The following CDH4 variants were observed in gnomAD, a reference collection of about 807,000 sequenced individuals.
The protein encoded by CDH4 is cadherin-4.
In CDH4, 33 loss-of-function variants were observed where a neutral mutation model predicts 86.0. That is an observed-to-expected ratio of 0.38 (90% CI 0.29 to 0.51). The LOEUF (loss-of-function observed/expected upper bound fraction) is 0.51. Among genes scored for constraint, CDH4 ranks in the 20% least tolerant of loss-of-function variants. The pLI, the probability that CDH4 is intolerant of heterozygous loss-of-function variation, is 0.86. For missense variants in CDH4, 1,114 were observed against 1,307.4 expected (o/e 0.85, Z 2.28); for synonymous variants, 555 against 549.4 (o/e 1.01, Z -0.14).
chr20:61,533,514 A>G (rs567786498), intron 2 of CDH4, among the ~76,000 whole-genome samples: 27 of 152,176 alleles, frequency 1.8e-4, no homozygotes, highest in Non-Finnish European at 3.4e-4. Flanking sequence ...ATGCCTGAGG[A>G]CCGGGGCTCA....
chr20:61,552,447 C>T (rs567681051), intron 2 of CDH4, among the ~76,000 whole-genome samples: 1 of 152,218 alleles, frequency 6.6e-6, no homozygotes, highest in Non-Finnish European at 1.5e-5. Context: ...CACCTGTAAT[C>T]CCAGCACTCT....
chr20:61,540,948 CG>C (rs1415425925), intron 2 of CDH4, among the ~76,000 whole-genome samples: 5 of 152,192 alleles, frequency 3.3e-5, no homozygotes, highest in Admixed American at 3.3e-4. Context: ...TGTTCAAGCC[CG>C]TGCCATCCTT....
At chr20:61,806,269 T>C (rs1191475986) in intron 4 of CDH4, among the ~76,000 whole-genome samples, 2 of 152,176 alleles carry the variant, frequency 1.3e-5, no homozygotes, top group Admixed American at 6.5e-5. Context: ...TGGAGTGTTC[T>C]TGTCACCACT....
intron 2 of CDH4, among the ~76,000 whole-genome samples, chr20:61,428,454 T>G (rs1568840905): frequency 6.6e-6 from 1 of 152,184 alleles, no homozygotes; most frequent in Non-Finnish European, 1.5e-5. Flanking sequence ...ACATCATTTG[T>G]TATGTCCCCA....
chr20:61,359,751 G>T (rs2084773843), intron 2 of CDH4, among the ~76,000 whole-genome samples: 1 of 152,214 alleles, frequency 6.6e-6, no homozygotes, highest in African/African-American at 2.4e-5. Context: ...AGTCTACAGT[G>T]TGCCCTGATG....
rs1237764006 is a variant in CDH4 at position 61,714,062 on chromosome 20, T to TGTTATGTTATGTTATGTTATGTTATGTTA, written c.170-29501_170-29500insGTTATGTTATGTTATGTTATGTTATGTTA. 1.4e-3 allele frequency among the ~76,000 whole-genome samples: 216 copies of TGTTATGTTATGTTATGTTATGTTATGTTA among 150,142 alleles called. 9 individuals carry two copies. Among genetic ancestry groups the TGTTATGTTATGTTATGTTATGTTATGTTA allele is most frequent in the South Asian group, 2.6e-3 (12 of 4,658 alleles). ...TTTTATTTTATTTTATTTTATTTTA[T>TGTTATGTTATGTTATGTTATGTTATGTTA]TTGAGATGGAGTCTCACTCTGTCGC... On this transcript the variant is annotated intron_variant, in intron 2 of 15. Coordinates refer to ENST00000614565, the MANE Select transcript of CDH4 (RefSeq NM_001794.5).
At chr20:61,302,627 G>A (rs2123207033) in intron 2 of CDH4, among the ~76,000 whole-genome samples, 1 of 152,254 alleles carries the variant, frequency 6.6e-6, no homozygotes, top group South Asian at 2.1e-4. Flanking sequence ...TGCCTCCCAT[G>A]TCCTGCATGG....
chr20:61,937,167 C>T lies in CDH4; in HGVS notation c.*224C>T. ...CGCGCTGGCTGGCACTGAAGGACAG[C>T]AAGAGGCACTCTGTCTTCACTTGAA... On this transcript the variant is annotated 3_prime_UTR_variant, in exon 16 of 16. Coordinates refer to ENST00000614565, the MANE Select transcript of CDH4 (RefSeq NM_001794.5). 2 of 239,054 alleles carry T rather than the reference C, an allele frequency of 8.4e-6. No individual in the cohort carries two copies. The highest frequency in any genetic ancestry group is 1.4e-4 in the East Asian group (2 of 14,596). The allele number at this position is 239,054 out of a possible 1,614,324, so 14.8% of individuals were successfully genotyped here.
At chr20:61,671,153 TG>T (rs2087383210) in intron 2 of CDH4, among the ~76,000 whole-genome samples, 2 of 150,946 alleles carry the variant, frequency 1.3e-5, no homozygotes, top group Non-Finnish European at 3.0e-5. Flanking sequence ...GGTGGATGGG[TG>T]GGTGGATCCG....
chr20:61,625,530 A>T (rs564015463), intron 2 of CDH4, among the ~76,000 whole-genome samples: 7 of 152,216 alleles, frequency 4.6e-5, no homozygotes, highest in Admixed American at 1.3e-4. Context: ...AATAACGATC[A>T]TCTGCTTATC....
At chr20:61,590,883 G>C (rs947526928) in intron 2 of CDH4, among the ~76,000 whole-genome samples, 1 of 152,092 alleles carries the variant, frequency 6.6e-6, no homozygotes, top group African/African-American at 2.4e-5. Context: ...CTATGGGGGG[G>C]GGGGTCCCCG....
chr20:61,624,697 C>T (rs1003298533), intron 2 of CDH4, among the ~76,000 whole-genome samples: 4 of 152,168 alleles, frequency 2.6e-5, no homozygotes, highest in East Asian at 1.9e-4. Flanking sequence ...GGACCAGGGG[C>T]CCAGGGAAAG....
At chr20:61,705,036 C>G (rs1251624902) in intron 2 of CDH4, among the ~76,000 whole-genome samples, 2 of 152,174 alleles carry the variant, frequency 1.3e-5, no homozygotes, top group African/African-American at 4.8e-5. Context: ...TCAAAGGTCC[C>G]CTGAGCACAC....
chr20:61,893,892 G>A lies in CDH4; in HGVS notation c.1051-1018G>A, dbSNP rs555146457. On this transcript the variant is annotated intron_variant, in intron 7 of 15. Coordinates refer to ENST00000614565, the MANE Select transcript of CDH4 (RefSeq NM_001794.5). ...ATGGGTGATGGTTGGAAAGAGAAAA[G>A]GTTGGTGACCATCTGCTGTTTGTAA... is the stretch of plus-strand genomic sequence containing the variant. Among the ~76,000 whole-genome samples, 10 of 152,212 alleles carry A rather than the reference G, an allele frequency of 6.6e-5. No homozygotes were observed. In the South Asian group the frequency reaches 8.3e-4, roughly 13 times the overall value.
chr20:61,461,197 T>TAA (rs76632080), intron 2 of CDH4, among the ~76,000 whole-genome samples: 95 of 151,878 alleles, frequency 6.3e-4, no homozygotes, highest in African/African-American at 2.3e-3. Flanking sequence ...CATTTTTTTT[T>TAA]AAAAAAAATG....
At position 61,445,770 on chromosome 20, in the gene CDH4, C is replaced by T. The variant is rs6062076; in HGVS notation, c.169+190833C>T. Among the ~76,000 whole-genome samples the T allele has an allele frequency of 3.0e-3, 453 of 152,334 alleles. 4 individuals carry two copies. The highest frequency in any genetic ancestry group is 0.01 in the Middle Eastern group (3 of 294). On this transcript the variant is annotated intron_variant, in intron 2 of 15. Transcript: ENST00000614565. ...TTGCAGCATTAAAGGTAGAGACTTG[C>T]GAGACCTTTCCCAGGATGTGACGTG...
chr20:61,303,315 G>T (rs1011707122), intron 2 of CDH4, among the ~76,000 whole-genome samples: 11 of 152,196 alleles, frequency 7.2e-5, no homozygotes, highest in African/African-American at 2.7e-4. Context: ...TGCTGGGGTG[G>T]CCTTCCTGCT....
At chr20:61,779,620 A>G (rs1325733628) in intron 4 of CDH4, among the ~76,000 whole-genome samples, 1 of 152,242 alleles carries the variant, frequency 6.6e-6, no homozygotes, top group Non-Finnish European at 1.5e-5. Context: ...ATTTGTGCAC[A>G]TACACCCCAT....
intron 2 of CDH4, among the ~76,000 whole-genome samples, chr20:61,728,343 CT>C (rs1396150922): frequency 2.0e-5 from 3 of 152,210 alleles, no homozygotes; most frequent in African/African-American, 7.2e-5. Context: ...GATCACGTCA[CT>C]GTTGACAGGG....
Sources: allele counts gnomAD v4.1 joint callset (sites outside exome capture counted in the v4.1 genomes callset), GRCh38; gene constraint gnomAD v4.1.1; transcripts MANE v1.5; gene names NCBI Gene and HGNC (gene_info 2026-07-23, HGNC 2026-07-21).